AK8: variants seen among roughly 807,000 people sequenced by gnomAD.
AK8 encodes adenylate kinase 8, also known as ATP-AMP transphosphorylase 8.
Under a neutral mutation model 54.6 loss-of-function variants are expected in AK8, and 44 were observed. The observed-to-expected ratio is 0.81, with a 90% CI of 0.63 to 1.04. The LOEUF (loss-of-function observed/expected upper bound fraction) is 1.04, where lower values mean the gene tolerates loss of function less well. Ranked by LOEUF, AK8 falls within the 50% of genes least tolerant of loss-of-function variation. The probability of loss-of-function intolerance (pLI) is 0.00; values close to 1 mark genes in which losing one functional copy is unlikely to be tolerated. For synonymous variants in AK8, 239 were observed against 245.6 expected, an observed-to-expected ratio of 0.97 and a Z score of 0.25; for missense variants, 555 against 613.6, an observed-to-expected ratio of 0.90 and a Z score of 1.01.
At chr9:132,857,381 T>A (rs1843212565) in intron 4 of AK8, among the ~76,000 whole-genome samples, 1 of 151,836 alleles carries the variant, frequency 6.6e-6, no homozygotes. Context: ...GCCCCCGGGG[T>A]CTGGGGGAAG....
chr9:132,864,402 C>T (rs1038780464), intron 3 of AK8, among the ~76,000 whole-genome samples: 1 of 152,214 alleles, frequency 6.6e-6, no homozygotes, highest in Non-Finnish European at 1.5e-5. Context: ...TCATCCCCTG[C>T]CAACCAGGAG....
In AK8 at chr9:132,750,639, G is replaced by C. The variant is rs962812600; in HGVS notation, c.1122-23105C>G. Among the ~76,000 whole-genome samples, 8 of 152,046 alleles carry C rather than the reference G, an allele frequency of 5.3e-5. 1 individual carries two copies. The highest frequency in any genetic ancestry group is 1.2e-4 in the Non-Finnish European group (8 of 67,876). ...TTACTTGTGGACTAGCAAAGATAAG[G>C]GTTCAGATTCTAGCGCTTCAAAGGA... On this transcript the variant is annotated intron_variant, in intron 11 of 12. Transcript: ENST00000298545.
rs139445871 is a variant in AK8, at chr9:132,833,116, G to A, written c.403-4390C>T. 3.3e-5 allele frequency among the ~76,000 whole-genome samples: 5 copies of A among 152,326 alleles called. No individual in the cohort carries two copies. In the East Asian group the frequency reaches 7.7e-4, roughly 23 times the overall value. Reference sequence around the variant, plus strand: ...CACTGGTCCACCTGGAAGGGAGGGCGCCTTGACCAAACCTCTGTTGAAGGC... The same window carrying A: ...CACTGGTCCACCTGGAAGGGAGGGCACCTTGACCAAACCTCTGTTGAAGGC... On this transcript the variant is annotated intron_variant, in intron 5 of 12. Coordinates refer to ENST00000298545, the MANE Select transcript of AK8 (RefSeq NM_152572.3).
At chr9:132,796,885 C>T (rs890728499) in intron 10 of AK8, among the ~76,000 whole-genome samples, 1 of 146,982 alleles carries the variant, frequency 6.8e-6, no homozygotes, top group African/African-American at 2.4e-5. Context: ...GCTCATGGAG[C>T]CCAGGGTGGT....
chr9:132,840,071 G>A (rs562084726), intron 5 of AK8, among the ~76,000 whole-genome samples: 2 of 152,216 alleles, frequency 1.3e-5, no homozygotes, highest in South Asian at 2.1e-4. Flanking sequence ...ACCCGCCTTG[G>A]CCTTCCACAG....
At chr9:132,844,216 A>ATACAGAGTGCTAATT in intron 5 of AK8, among the ~76,000 whole-genome samples, 1 of 151,792 alleles carries the variant, frequency 6.6e-6, no homozygotes, top group South Asian at 2.1e-4. Flanking sequence ...GATCGTTCCA[A>ATACAGAGTGCTAATT]TACAGAGTGC....
intron 11 of AK8, among the ~76,000 whole-genome samples, chr9:132,745,420 T>A (rs1453891936): frequency 6.6e-6 from 1 of 152,176 alleles, no homozygotes; most frequent in Non-Finnish European, 1.5e-5. Context: ...TTCAATTGTG[T>A]GCGTCCGTGT....
At chr9:132,802,650 G>A (rs766468269) in intron 10 of AK8, among the ~76,000 whole-genome samples, 2 of 152,188 alleles carry the variant, frequency 1.3e-5, no homozygotes, top group African/African-American at 2.4e-5. Context: ...AATCCGTCTT[G>A]GACACACTAT....
At chr9:132,840,915 C>T (rs2131344564) in intron 5 of AK8, among the ~76,000 whole-genome samples, 1 of 152,228 alleles carries the variant, frequency 6.6e-6, no homozygotes, top group Admixed American at 6.5e-5. Flanking sequence ...GTGTCCAGGA[C>T]TGTTTTCTAA....
At chr9:132,830,153 A>T (rs1240522338) in intron 5 of AK8, among the ~76,000 whole-genome samples, 1 of 152,198 alleles carries the variant, frequency 6.6e-6, no homozygotes, top group Non-Finnish European at 1.5e-5. Context: ...CCTTGCATAG[A>T]AGTTTTCACA....
At chr9:132,761,382 C>T (rs1176786841) in intron 11 of AK8, among the ~76,000 whole-genome samples, 1 of 151,730 alleles carries the variant, frequency 6.6e-6, no homozygotes, top group Non-Finnish European at 1.5e-5. Context: ...CATGCCTCAG[C>T]CACTCGAGTA....
At chr9:132,774,589 AG>A (rs1839127792) in intron 11 of AK8, among the ~76,000 whole-genome samples, 1 of 152,178 alleles carries the variant, frequency 6.6e-6, no homozygotes, top group Non-Finnish European at 1.5e-5. Context: ...CTATGGGTAA[AG>A]AAAAACAAAT....
intron 10 of AK8, among the ~76,000 whole-genome samples, chr9:132,804,779 A>C (rs753639939): frequency 5.9e-5 from 9 of 152,020 alleles, no homozygotes; most frequent in Non-Finnish European, 1.2e-4. Flanking sequence ...TGCACAGGAA[A>C]CCTCAGAGCC....
intron 11 of AK8, among the ~76,000 whole-genome samples, chr9:132,761,263 TC>T (rs200268212): frequency 0.12 from 16,355 of 131,406 alleles, 1,510 homozygotes; most frequent in African/African-American, 0.21. Flanking sequence ...TCTTTTCTTT[TC>T]TTTTCTTTTT....
At chr9:132,828,870 T>G (rs1841990651) in intron 5 of AK8, 144 bp from the exon 6 acceptor site, 1 of 515,352 alleles carries the variant, frequency 1.9e-6, no homozygotes, top group Non-Finnish European at 3.4e-6. Context: ...TCACCCTTCT[T>G]TAAAAACTAC....
intron 11 of AK8, among the ~76,000 whole-genome samples, chr9:132,741,276 A>G (rs1052731286): frequency 1.3e-5 from 2 of 152,210 alleles, no homozygotes; most frequent in African/African-American, 4.8e-5. Flanking sequence ...ATGCCTGTGC[A>G]CACTTGGAAG....
At chr9:132,746,565 A>G (rs1837662765) in intron 11 of AK8, among the ~76,000 whole-genome samples, 2 of 152,260 alleles carry the variant, frequency 1.3e-5, no homozygotes, top group Non-Finnish European at 2.9e-5. Context: ...CTATTATCAC[A>G]TGCTAATAGA....
At chr9:132,764,499 C>G (rs564419853) in intron 11 of AK8, among the ~76,000 whole-genome samples, 9 of 152,230 alleles carry the variant, frequency 5.9e-5, no homozygotes, top group African/African-American at 2.2e-4. Flanking sequence ...ACTGGTACCA[C>G]AGATATACAA....
In AK8 at chr9:132,839,579, C is replaced by T. The variant is rs143430372; in HGVS notation, c.403-10853G>A. On this transcript the variant is annotated intron_variant, in intron 5 of 12. Coordinates refer to ENST00000298545, the MANE Select transcript of AK8 (RefSeq NM_152572.3). ...GATGGGGACAGCATCCCTCCGCAGG[C>T]TCCTGCTCAGCAGCACCGGGGAGGA... Among the ~76,000 whole-genome samples the T allele has an allele frequency of 1.5e-3, 235 of 152,292 alleles. 1 individual carries two copies. Among genetic ancestry groups the T allele is most frequent in the African/African-American group, 4.4e-3 (182 of 41,560 alleles).
Sources: allele counts gnomAD v4.1 joint callset (sites outside exome capture counted in the v4.1 genomes callset), GRCh38; gene constraint gnomAD v4.1.1; transcripts MANE v1.5; gene names NCBI Gene and HGNC (gene_info 2026-07-23, HGNC 2026-07-21).